The following PRKCQ variants were observed in gnomAD, a reference collection of about 807,000 sequenced individuals.
PRKCQ encodes protein kinase C theta.
In PRKCQ, 41 loss-of-function variants were observed where a neutral mutation model predicts 91.2. The observed-to-expected ratio is 0.45, with a 90% CI of 0.35 to 0.58. The LOEUF (loss-of-function observed/expected upper bound fraction) is 0.58, where lower values mean the gene tolerates loss of function less well. Among genes scored for constraint, PRKCQ ranks in the 20% least tolerant of loss-of-function variants. The pLI is 0.00. For synonymous variants in PRKCQ, 307 were observed against 316.9 expected (o/e 0.97, Z 0.33); for missense variants, 673 against 896.5 (o/e 0.75, Z 3.18).
intron 14 of PRKCQ, among the ~76,000 whole-genome samples, chr10:6,461,217 CCATCCATCCATCCAAATATCTGTT>C (rs1291832173): frequency 6.6e-6 from 1 of 151,766 alleles, no homozygotes; most frequent in Non-Finnish European, 1.5e-5. Context: ...CCATCCACAC[CCATCCATCCATCCAAATATCTGTT>C]CATCCATTCA....
chr10:6,515,160 A>AGACAAAC lies in PRKCQ; in HGVS notation c.-9-23_-9-17dup, dbSNP rs1838695763. 1 of 1,611,880 alleles carries AGACAAAC rather than the reference A, an allele frequency of 6.2e-7. No individual in the cohort carries two copies. Among genetic ancestry groups the AGACAAAC allele is most frequent in the Non-Finnish European group, 8.5e-7 (1 of 1,179,528 alleles). ...TGGTTGCGCCCTGGAAAAAGACAAA[A>AGACAAAC]GACAAACGCTGTTTGGGGGCTATAA... On this transcript the variant is annotated splice_polypyrimidine_tract_variant and intron_variant, in intron 1 of 17. Coordinates refer to ENST00000263125, the MANE Select transcript of PRKCQ (RefSeq NM_006257.5).
Position 6,515,057 on chromosome 10 carries a change from G to C in PRKCQ, c.79C>G (p.Pro27Ala). The C allele has an allele frequency of 1.2e-6, 2 of 1,613,738 alleles. No individual in the cohort carries two copies. Among genetic ancestry groups the C allele is most frequent in the Non-Finnish European group, 1.7e-6 (2 of 1,179,946 alleles). Residue 27 changes from proline (P) to alanine (A), a missense_variant, in exon 2 of 18, where the codon CCT (proline) becomes GCT (alanine). By Grantham distance (27) the Pro-to-Ala change is conservative (BLOSUM62 -1). Coordinates refer to ENST00000263125, the MANE Select transcript of PRKCQ (RefSeq NM_006257.5). ...CQSCQGEAVN[P>A]YCAVLVKEYV... ...TCTTTGACGAGCACAGCACAGTAAG[G>C]GTTAACAGCCTCGCCCTGACAAGAC...
chr10:6,548,143 C>T (rs1270548155), intron 1 of PRKCQ, among the ~76,000 whole-genome samples: 1 of 151,596 alleles, frequency 6.6e-6, no homozygotes, highest in Non-Finnish European at 1.5e-5. Context: ...TGCTCATCAT[C>T]ACTGGCCATC....
rs760952144 is a variant in PRKCQ, at chr10:6,440,454, T to G, written c.1836+1439A>C. ...ATTGAAGTCTCAGCTTTAGCCATCC[T>G]CCAGTTCAGGGGTAGGAGGCTGCCA... On this transcript the variant is annotated intron_variant, in intron 16 of 17. Coordinates refer to ENST00000263125, the MANE Select transcript of PRKCQ (RefSeq NM_006257.5). Among the ~76,000 whole-genome samples, 15 of 152,332 alleles carry G rather than the reference T, an allele frequency of 9.8e-5. 1 individual carries two copies. In the Middle Eastern group the frequency reaches 0.017, roughly 173 times the overall value.
intron 4 of PRKCQ, among the ~76,000 whole-genome samples, chr10:6,504,108 T>C (rs1838062275): frequency 6.6e-6 from 1 of 152,256 alleles, no homozygotes; most frequent in African/African-American, 2.4e-5. Context: ...GCATTTCAAC[T>C]ATGTACACTT....
chr10:6,544,826 T>C (rs1233484168), intron 1 of PRKCQ, among the ~76,000 whole-genome samples: 1 of 152,128 alleles, frequency 6.6e-6, no homozygotes, highest in East Asian at 1.9e-4. Context: ...TTCACCATAT[T>C]GGCCAGGCTG....
the PRKCQ span, among the ~76,000 whole-genome samples, chr10:6,394,236 C>A: frequency 6.6e-6 from 1 of 152,298 alleles, no homozygotes; most frequent in South Asian, 2.1e-4. Flanking sequence ...CTTTGACACA[C>A]TCTGGGTCCT....
At chr10:6,457,202 T>G (rs745685416) in intron 14 of PRKCQ, among the ~76,000 whole-genome samples, 6 of 152,206 alleles carry the variant, frequency 3.9e-5, no homozygotes, top group Non-Finnish European at 8.8e-5. Flanking sequence ...CAAGTCCAGT[T>G]GATGAAGTTT....
At chr10:6,411,639 C>T in the PRKCQ span, among the ~76,000 whole-genome samples, 1 of 152,172 alleles carries the variant, frequency 6.6e-6, no homozygotes, top group African/African-American at 2.4e-5. Flanking sequence ...CCGTATTGGC[C>T]GTGACTGTTT....
At chr10:6,492,338 T>C (rs1210133558) in intron 7 of PRKCQ, among the ~76,000 whole-genome samples, 1 of 152,178 alleles carries the variant, frequency 6.6e-6, no homozygotes, top group Non-Finnish European at 1.5e-5. Flanking sequence ...CTATTATTCA[T>C]GAACTGAGGT....
chr10:6,456,689 G>A lies in PRKCQ; in HGVS notation c.1632C>T (p.Asp544=). ...GCATTCCTACCTCTGGGGCGATGTA[G>A]TCAGGTGTCCCACAGAAGGTATTCG... ...AKTNTFCGTP[D]YIAPEILLGQ... is the part of the protein sequence containing the mutation. Residue 544 remains aspartate, a synonymous_variant, in exon 15 of 18, where the codon GAC becomes GAT. Coordinates refer to ENST00000263125, the MANE Select transcript of PRKCQ (RefSeq NM_006257.5). 1 of 1,614,146 alleles carries A rather than the reference G, an allele frequency of 6.2e-7. No individual in the cohort carries two copies. Among genetic ancestry groups the A allele is most frequent in the Non-Finnish European group, 8.5e-7 (1 of 1,179,982 alleles).
chr10:6,503,830 G>A (rs969878719), intron 4 of PRKCQ, among the ~76,000 whole-genome samples: 2 of 152,136 alleles, frequency 1.3e-5, no homozygotes, highest in African/African-American at 4.8e-5. Flanking sequence ...AGGCTAGAGT[G>A]CAGTGGCACT....
chr10:6,524,955 A>G (rs1366779107), intron 1 of PRKCQ, among the ~76,000 whole-genome samples: 1 of 152,164 alleles, frequency 6.6e-6, no homozygotes, highest in African/African-American at 2.4e-5. Flanking sequence ...ATACTGTTTA[A>G]AAAGGGGTTA....
chr10:6,547,957 G>T (rs1431123206), intron 1 of PRKCQ, among the ~76,000 whole-genome samples: 2 of 149,872 alleles, frequency 1.3e-5, no homozygotes, highest in African/African-American at 4.9e-5. Flanking sequence ...CCTACAAAAT[G>T]GGAGAAAATT....
the PRKCQ span, among the ~76,000 whole-genome samples, chr10:6,422,113 A>C: frequency 3.9e-5 from 6 of 152,106 alleles, no homozygotes; most frequent in Admixed American, 3.9e-4. Flanking sequence ...AATCAGATAG[A>C]ATTATTTTTC....
the PRKCQ span, among the ~76,000 whole-genome samples, chr10:6,418,478 C>G: frequency 6.7e-6 from 1 of 148,668 alleles, no homozygotes; most frequent in Non-Finnish European, 1.5e-5. Flanking sequence ...GCTTTCTCCC[C>G]CTCTCATGTG....
intron 13 of PRKCQ, among the ~76,000 whole-genome samples, chr10:6,463,261 T>A (rs1835457166): frequency 6.6e-6 from 1 of 152,144 alleles, no homozygotes. Flanking sequence ...ACCCCATCAC[T>A]GGTGGGATTA....
At chr10:6,526,891 T>G (rs191615455) in intron 1 of PRKCQ, among the ~76,000 whole-genome samples, 1 of 152,124 alleles carries the variant, frequency 6.6e-6, no homozygotes, top group South Asian at 2.1e-4. Context: ...GAGAGACTAC[T>G]GGGGGCGACT....
intron 15 of PRKCQ, among the ~76,000 whole-genome samples, chr10:6,445,121 C>CTCAAAAAA (rs779476076): frequency 2.3e-4 from 24 of 105,418 alleles, no homozygotes; most frequent in African/African-American, 1.0e-3. Context: ...AAGACTCTGT[C>CTCAAAAAA]AAAAAAAAAA....
Sources: gnomAD v4.1 joint callset for allele counts (sites outside exome capture counted in the v4.1 genomes callset) on GRCh38, gnomAD v4.1.1 for gene constraint, MANE v1.5 for transcripts, NCBI Gene and HGNC (gene_info 2026-07-23, HGNC 2026-07-21) for gene names.